The following CADPS variants were observed in gnomAD, a reference collection of about 807,000 sequenced individuals.
The protein encoded by CADPS is calcium-dependent secretion activator 1.
Under a neutral mutation model 167.3 loss-of-function variants are expected in CADPS, and 57 were observed. That is an observed-to-expected ratio of 0.34 (90% CI 0.28 to 0.42). CADPS has a LOEUF of 0.42. Among genes scored for constraint, CADPS ranks in the 20% least tolerant of loss-of-function variants. The pLI, the probability that CADPS is intolerant of heterozygous loss-of-function variation, is 1.00. For synonymous variants in CADPS, 676 were observed against 635.3 expected (o/e 1.06, Z -0.96); for missense variants, 1,414 against 1,738.1 (o/e 0.81, Z 3.32).
chr3:62,410,690 A>T (rs1410495878), intron 28 of CADPS, among the ~76,000 whole-genome samples: 1 of 152,242 alleles, frequency 6.6e-6, no homozygotes, highest in East Asian at 1.9e-4. Context: ...TGCTTATAAC[A>T]GTGCCAGGCA....
chr3:62,704,795 T>C (rs1184068994), intron 3 of CADPS, among the ~76,000 whole-genome samples: 1 of 152,144 alleles, frequency 6.6e-6, no homozygotes, highest in Non-Finnish European at 1.5e-5. Context: ...ACCTGATAAT[T>C]TCTGCTTTTT....
chr3:62,757,881 G>C (rs1268739657), intron 2 of CADPS, among the ~76,000 whole-genome samples: 1 of 152,194 alleles, frequency 6.6e-6, no homozygotes, highest in African/African-American at 2.4e-5. Flanking sequence ...ATGTGCATGG[G>C]AACTCGCCTT....
chr3:62,806,165 C>T (rs1315829350), intron 1 of CADPS, among the ~76,000 whole-genome samples: 16 of 152,070 alleles, frequency 1.1e-4, no homozygotes, highest in Admixed American at 8.5e-4. Flanking sequence ...GGATGAGAGC[C>T]TAACCCTTCC....
rs2060119849 is a variant in CADPS, at chr3:62,602,510, AT to A, written c.1326-9763del. Among the ~76,000 whole-genome samples the A allele has an allele frequency of 1.3e-5, 2 of 152,204 alleles. No individual in the cohort carries two copies. The highest frequency in any genetic ancestry group is 4.8e-5 in the African/African-American group (2 of 41,460). On this transcript the variant is annotated intron_variant, in intron 6 of 29. Transcript: ENST00000383710. The surrounding 1 kb of genome is among the most constrained non-coding windows in gnomAD (Gnocchi z 4.4). ...TTAATAATTGCCTGGAGACAGCTGCATTAAAATCTTGTGGCCTGCCTTTGAG... is the reference window on the plus strand; with the variant it reads ...TTAATAATTGCCTGGAGACAGCTGCATAAAATCTTGTGGCCTGCCTTTGAG...
At chr3:62,594,130 AT>A (rs201377678) in intron 6 of CADPS, among the ~76,000 whole-genome samples, 1,859 of 149,860 alleles carry the variant, frequency 0.012, 40 homozygotes, top group African/African-American at 0.042. Context: ...GATTTTTTTT[AT>A]TTTTTTTATT....
chr3:62,762,300 C>T (rs936887859), intron 2 of CADPS, among the ~76,000 whole-genome samples: 1 of 152,060 alleles, frequency 6.6e-6, no homozygotes, highest in Non-Finnish European at 1.5e-5. Flanking sequence ...TATAGTATGA[C>T]AACAATTAAC....
At position 62,571,646 on chromosome 3, in the gene CADPS, C is replaced by A. The variant is rs139186993; in HGVS notation, c.1578-708G>T. On this transcript the variant is annotated intron_variant, in intron 8 of 29. Transcript: ENST00000383710. Reference sequence around the variant, plus strand: ...ATGGTGTGATCTCAGCTCACCGCAACCTCCTCCTCCTGGGTTCAAGTGATT... The same window carrying A: ...ATGGTGTGATCTCAGCTCACCGCAAACTCCTCCTCCTGGGTTCAAGTGATT... 2.9e-3 allele frequency among the ~76,000 whole-genome samples: 446 copies of A among 151,852 alleles called. 1 individual carries two copies. Among genetic ancestry groups the A allele is most frequent in the African/African-American group, 0.01 (433 of 41,386 alleles).
At chr3:62,645,272 C>A (rs1286287148) in intron 6 of CADPS, among the ~76,000 whole-genome samples, 1 of 152,074 alleles carries the variant, frequency 6.6e-6, no homozygotes, top group African/African-American at 2.4e-5. Flanking sequence ...GTGATGACAC[C>A]AAGATCTCCC....
chr3:62,772,829 TAGC>T (rs2089270788), intron 1 of CADPS, among the ~76,000 whole-genome samples: 1 of 152,134 alleles, frequency 6.6e-6, no homozygotes, highest in Admixed American at 6.6e-5. Context: ...GAACCTCAAA[TAGC>T]AGCATTCTAA....
intron 6 of CADPS, among the ~76,000 whole-genome samples, chr3:62,643,024 A>G (rs1328698850): frequency 6.6e-6 from 1 of 152,218 alleles, no homozygotes; most frequent in Non-Finnish European, 1.5e-5. Flanking sequence ...ACTAGAAGTG[A>G]ACTGTGACAA....
At chr3:62,873,754 G>A (rs1199386265) in intron 1 of CADPS, among the ~76,000 whole-genome samples, 1 of 152,068 alleles carries the variant, frequency 6.6e-6, no homozygotes, top group Non-Finnish European at 1.5e-5. Context: ...GCAGTGGCAG[G>A]GCTTGGAGGA....
Position 62,557,008 on chromosome 3 carries a change from C to G in CADPS, c.1753+397G>C, listed in dbSNP as rs2965050. Among the ~76,000 whole-genome samples the G allele has an allele frequency of 2.7e-3, 48 of 17,694 alleles. 8 individuals are homozygous for G. The highest frequency in any genetic ancestry group is 0.027 in the South Asian group (11 of 412). The allele number at this position is 17,694 out of a possible 152,430, so 11.6% of individuals were successfully genotyped here. A position where few individuals can be genotyped will look rare whatever the true frequency, so the allele number is the denominator to read the frequency against. ...TGGTGAAAAACAACACACACACACACACACACACACACACACACACACACA... is the reference window on the plus strand; with the variant it reads ...TGGTGAAAAACAACACACACACACAGACACACACACACACACACACACACA... On this transcript the variant is annotated intron_variant, in intron 10 of 29. Transcript: ENST00000383710.
intron 11 of CADPS, among the ~76,000 whole-genome samples, chr3:62,543,575 T>C (rs906352376): frequency 1.3e-5 from 2 of 151,938 alleles, no homozygotes; most frequent in Non-Finnish European, 2.9e-5. Flanking sequence ...CTTGAAGTGG[T>C]GAAAAACGTC....
chr3:62,716,723 G>A (rs1214182646), intron 3 of CADPS, among the ~76,000 whole-genome samples: 6 of 152,076 alleles, frequency 3.9e-5, no homozygotes, highest in Middle Eastern at 3.2e-3. Flanking sequence ...AGAGTATATC[G>A]GTCCTCCATC....
intron 1 of CADPS, among the ~76,000 whole-genome samples, chr3:62,773,094 C>G (rs1218834815): frequency 6.6e-6 from 1 of 151,750 alleles, no homozygotes; most frequent in Non-Finnish European, 1.5e-5. Context: ...AAATCATCAG[C>G]TAATCTAGAG....
intron 4 of CADPS, among the ~76,000 whole-genome samples, chr3:62,661,452 T>G (rs575192065): frequency 2.6e-5 from 4 of 152,180 alleles, no homozygotes; most frequent in Non-Finnish European, 5.9e-5. Context: ...GGAAAGGGCC[T>G]GGTATATTTG....
intron 8 of CADPS, among the ~76,000 whole-genome samples, chr3:62,580,883 G>A: frequency 6.6e-6 from 1 of 152,176 alleles, no homozygotes; most frequent in East Asian, 1.9e-4. Flanking sequence ...TTTCCCTGAT[G>A]TTCTTATTTA....
At chr3:62,873,811 G>GA (rs1002122703) in intron 1 of CADPS, among the ~76,000 whole-genome samples, 5 of 152,068 alleles carry the variant, frequency 3.3e-5, no homozygotes, top group African/African-American at 1.2e-4. Context: ...GGGAAGAGGA[G>GA]AATAGGGTCA....
At chr3:62,510,191 C>CATCCATCT (rs1553853780) in intron 17 of CADPS, among the ~76,000 whole-genome samples, 1 of 148,266 alleles carries the variant, frequency 6.7e-6, no homozygotes, top group African/African-American at 2.5e-5. Flanking sequence ...CCTATTTCTG[C>CATCCATCT]ATCTATCTAT....
Sources: allele counts gnomAD v4.1 joint callset (sites outside exome capture counted in the v4.1 genomes callset), GRCh38; gene constraint gnomAD v4.1.1; non-coding constraint Gnocchi (gnomAD v3.1); transcripts MANE v1.5; gene names NCBI Gene and HGNC (gene_info 2026-07-23, HGNC 2026-07-21).